Variants in TREML4 observed in about 807,000 individuals in gnomAD.
TREML4 encodes trem-like transcript 4 protein.
In TREML4, 25 loss-of-function variants were observed where a neutral mutation model predicts 25.4. The observed-to-expected ratio is 0.98, with a 90% CI of 0.72 to 1.37. TREML4 has a LOEUF of 1.37. Among genes scored for constraint, TREML4 ranks in the 40% most tolerant of loss-of-function variants. The pLI, the probability that TREML4 is intolerant of heterozygous loss-of-function variation, is 0.00. For synonymous variants in TREML4, 92 were observed against 87.9 expected (o/e 1.05, Z -0.26); for missense variants, 268 against 236.5 (o/e 1.13, Z -0.87).
intron 4 of TREML4, chr6:41,232,459 AC>A: frequency 3.7e-6 from 1 of 270,652 alleles, no homozygotes; most frequent in Non-Finnish European, 7.8e-6. Context: ...CCTTTATGGC[AC>A]CAGAGACTGG....
In TREML4 at chr6:41,229,044, G is replaced by A. The variant is rs751167673; in HGVS notation, c.394G>A (p.Ala132Thr). Residue 132 changes from alanine (A) to threonine (T), a missense_variant and splice_region_variant, in exon 2 of 6, where the codon GCC (alanine) becomes ACC (threonine). By Grantham distance (58) the Ala-to-Thr change is moderately conservative. Coordinates refer to ENST00000341495, the MANE Select transcript of TREML4 (RefSeq NM_198153.3). ...AAATATCAGCCTGGTGGTGTCTCCAGGTGAGCTCTTTTCTTGAGGAAATAC... is the reference window on the plus strand; with the variant it reads ...AAATATCAGCCTGGTGGTGTCTCCAAGTGAGCTCTTTTCTTGAGGAAATAC... Reference protein sequence around the residue: ...LRNISLVVSPAPTTSPMWTLP... With the variant: ...LRNISLVVSPTPTTSPMWTLP... 4.3e-6 allele frequency: 7 copies of A among 1,609,460 alleles called. No individual in the cohort carries two copies. Among genetic ancestry groups the A allele is most frequent in the Middle Eastern group, 1.6e-4 (1 of 6,066 alleles).
At chr6:41,232,190 G>T (rs1825410) in intron 4 of TREML4, among the ~76,000 whole-genome samples, 10,511 of 152,212 alleles carry the variant, frequency 0.069, 409 homozygotes, top group East Asian at 0.097. Context: ...TAAAACCTCT[G>T]GATTCTCAAG....
intron 2 of TREML4, 85 bp from the exon 3 acceptor site, chr6:41,229,436 G>T (rs768101854): frequency 4.6e-5 from 67 of 1,462,180 alleles, no homozygotes; most frequent in Non-Finnish European, 6.2e-5. Flanking sequence ...CTGGCTCTGG[G>T]CCCCTACCTC....
chr6:41,228,868 G>C lies in TREML4; in HGVS notation c.218G>C (p.Trp73Ser). Reference sequence around the variant, plus strand: ...TTACTTGTCACCAGCTCCAAGCCCTGGACAGCAGTTCAGAAGTCTCATTAC... The same window carrying C: ...TTACTTGTCACCAGCTCCAAGCCCTCGACAGCAGTTCAGAAGTCTCATTAC... ...CTLLVTSSKP[W>S]TAVQKSHYTI... Residue 73 changes from tryptophan (W) to serine (S), a missense_variant, in exon 2 of 6, where the codon TGG (tryptophan) becomes TCG (serine). Transcript: ENST00000341495. The C allele has an allele frequency of 6.2e-7, 1 of 1,614,018 alleles. No homozygotes were observed. Among genetic ancestry groups the C allele is most frequent in the Non-Finnish European group, 8.5e-7 (1 of 1,179,934 alleles).
chr6:41,234,309 G>C (rs1288248710), intron 4 of TREML4, among the ~76,000 whole-genome samples: 1 of 151,834 alleles, frequency 6.6e-6, no homozygotes, highest in Non-Finnish European at 1.5e-5. Flanking sequence ...AAAATATTAG[G>C]GAGTAATTAG....
At chr6:41,232,992 G>A (rs1035937233) in intron 4 of TREML4, among the ~76,000 whole-genome samples, 18 of 152,244 alleles carry the variant, frequency 1.2e-4, no homozygotes, top group South Asian at 2.1e-4. Flanking sequence ...AACAACATGG[G>A]GTGAGAAGGA....
At chr6:41,232,113 G>T (rs1210517318) in intron 4 of TREML4, among the ~76,000 whole-genome samples, 2 of 152,186 alleles carry the variant, frequency 1.3e-5, no homozygotes, top group African/African-American at 4.8e-5. Flanking sequence ...TATTTCTAAA[G>T]TACTAAAGAA....
In TREML4 at chr6:41,228,619, C is replaced by T. The variant is rs2113935673; in HGVS notation, c.64-95C>T. The T allele has an allele frequency of 2.0e-6, 3 of 1,497,934 alleles. No individual in the cohort carries two copies. In the South Asian group the frequency reaches 3.8e-5, roughly 19 times the overall value. The allele number at this position is 1,497,934 out of a possible 1,614,324, so 92.8% of individuals were successfully genotyped here. On this transcript the variant is annotated intron_variant, in intron 1 of 5. Coordinates refer to ENST00000341495, the MANE Select transcript of TREML4 (RefSeq NM_198153.3). The stretch of plus-strand genomic sequence containing the variant: ...CCTCTTCCATGTGTGGGCATCAGAA[C>T]TAGTTCCCCCTCCCCTTCCCCAGCC...
chr6:41,229,048 A>C lies in TREML4; in HGVS notation c.394+4A>C. Reference sequence around the variant, plus strand: ...ATCAGCCTGGTGGTGTCTCCAGGTGAGCTCTTTTCTTGAGGAAATACCTCT... The same window carrying C: ...ATCAGCCTGGTGGTGTCTCCAGGTGCGCTCTTTTCTTGAGGAAATACCTCT... On this transcript the variant is annotated splice_donor_region_variant and intron_variant, in intron 2 of 5. Coordinates refer to ENST00000341495, the MANE Select transcript of TREML4 (RefSeq NM_198153.3). The C allele has an allele frequency of 1.2e-6, 2 of 1,607,466 alleles. No homozygotes were observed. The highest frequency in any genetic ancestry group is 2.2e-5 in the South Asian group (2 of 90,472).
chr6:41,228,475 C>G lies in TREML4; in HGVS notation c.48C>G (p.Cys16Trp). The G allele has an allele frequency of 6.2e-7, 1 of 1,612,954 alleles. No individual in the cohort carries two copies. ...VHTCCFHLCC[C>W]CSWPQGAVPE... Reference sequence around the variant, plus strand: ...CCTGCTGCTTCCACCTGTGCTGCTGCTGCTCCTGGCCTCAGGTGACATGGA... The same window carrying G: ...CCTGCTGCTTCCACCTGTGCTGCTGGTGCTCCTGGCCTCAGGTGACATGGA... Residue 16 changes from cysteine to tryptophan, a missense_variant, in exon 1 of 6, where the codon TGC (cysteine) becomes TGG (tryptophan). By Grantham distance (215) the Cys-to-Trp change is radical. Coordinates refer to ENST00000341495, the MANE Select transcript of TREML4 (RefSeq NM_198153.3).
chr6:41,234,524 T>C (rs972998834), intron 4 of TREML4, among the ~76,000 whole-genome samples: 4 of 41,424 alleles, frequency 9.7e-5, no homozygotes, highest in African/African-American at 1.4e-4. Flanking sequence ...CAAAAGAAGA[T>C]AATAAATAAA....
intron 1 of TREML4, 88 bp downstream of exon 1, chr6:41,228,578 G>C (rs1766723014): frequency 2.0e-6 from 3 of 1,520,752 alleles, no homozygotes; most frequent in Non-Finnish European, 2.7e-6. Context: ...GTGACCATAG[G>C]ACAGAATTTA....
At chr6:41,232,460 C>A in intron 4 of TREML4, 1 of 268,944 alleles carries the variant, frequency 3.7e-6, no homozygotes, top group Admixed American at 3.9e-5. Flanking sequence ...CTTTATGGCA[C>A]CAGAGACTGG....
At chr6:41,236,670 T>C (rs963073030) in intron 5 of TREML4, 53 bp downstream of exon 5, 6 of 1,041,192 alleles carry the variant, frequency 5.8e-6, no homozygotes, top group Non-Finnish European at 8.7e-6. Flanking sequence ...CCAGATTCTG[T>C]TCCTAGAAAG....
intron 2 of TREML4, among the ~76,000 whole-genome samples, chr6:41,229,296 G>A (rs1843097): frequency 0.71 from 107,520 of 151,698 alleles, 39,720 homozygotes; most frequent in East Asian, 0.85. Context: ...GTCACTCTGC[G>A]TCTCTCTTTG....
intron 3 of TREML4, among the ~76,000 whole-genome samples, chr6:41,229,821 A>G (rs1766753067): frequency 6.6e-6 from 1 of 152,080 alleles, no homozygotes; most frequent in Non-Finnish European, 1.5e-5. Context: ...GTCCATATGG[A>G]ACACCTTGCA....
rs545737377 is a variant in TREML4 at position 41,236,897 on chromosome 6, G to A, written c.*36-158G>A. 2.0e-5 allele frequency among the ~76,000 whole-genome samples: 3 copies of A among 152,058 alleles called. No individual in the cohort carries two copies. The South Asian group carries it at 6.2e-4, about 32-fold the overall frequency. On this transcript the variant is annotated intron_variant, in intron 5 of 5. Coordinates refer to ENST00000341495, the MANE Select transcript of TREML4 (RefSeq NM_198153.3). ...AAAGCTGAGAGTGCCTGGGTAGAAG[G>A]TTTAGGAGACAGGAAGGGGCAGGGA...
At chr6:41,229,129 T>G in intron 2 of TREML4, 85 bp downstream of exon 2, 1 of 1,213,120 alleles carries the variant, frequency 8.2e-7, no homozygotes, top group Admixed American at 2.1e-5. Flanking sequence ...CATGCCTCTA[T>G]CATCCCCCAT....
At chr6:41,234,158 G>T (rs1234188127) in intron 4 of TREML4, among the ~76,000 whole-genome samples, 1 of 151,790 alleles carries the variant, frequency 6.6e-6, no homozygotes, top group East Asian at 1.9e-4. Context: ...CAAACCTAAC[G>T]CAATGACATT....
Sources: allele counts gnomAD v4.1 joint callset (sites outside exome capture counted in the v4.1 genomes callset), GRCh38; gene constraint gnomAD v4.1.1; transcripts MANE v1.5; gene names NCBI Gene and HGNC (gene_info 2026-07-23, HGNC 2026-07-21).